The following NPAT variants were observed in gnomAD, a reference collection of about 807,000 sequenced individuals.
NPAT encodes protein NPAT.
A neutral mutation model predicts 130.7 loss-of-function variants in NPAT; 52 were observed. The observed-to-expected ratio is 0.40, with a 90% CI of 0.32 to 0.50. The LOEUF is 0.50. Among genes scored for constraint, NPAT ranks in the 20% least tolerant of loss-of-function variants. The pLI, the probability that NPAT is intolerant of heterozygous loss-of-function variation, is 0.68. For missense variants in NPAT, 1,687 were observed against 1,662.6 expected (o/e 1.01, Z -0.26); for synonymous variants, 580 against 584.8 (o/e 0.99, Z 0.12).
At chr11:108,184,080 T>C (rs531390304) in intron 10 of NPAT, among the ~76,000 whole-genome samples, 270 of 152,272 alleles carry the variant, frequency 1.8e-3, no homozygotes, top group Non-Finnish European at 3.0e-3. Flanking sequence ...TTACTACCAA[T>C]AGCAACAGTG....
chr11:108,176,903 T>C, intron 11 of NPAT, 91 bp downstream of exon 11: 3 of 782,678 alleles, frequency 3.8e-6, no homozygotes, highest in Non-Finnish European at 4.5e-6. Flanking sequence ...CTTTTTTAGA[T>C]ACTCTGGGGA....
chr11:108,170,959 G>A (rs1294060952), intron 13 of NPAT, among the ~76,000 whole-genome samples: 6 of 151,976 alleles, frequency 3.9e-5, no homozygotes, highest in African/African-American at 1.5e-4. Flanking sequence ...AGGGAAAAGA[G>A]GGAAGCTTGG....
In NPAT at chr11:108,161,917, T is replaced by C. The variant is rs773865494; in HGVS notation, c.3169A>G (p.Lys1057Glu). ...CAGAGTACACGTCTGTGGCATGGTT[T>C]AGCAGCTGGAACTATACTCTCTTCT... ...FPEESIVPAA[K>E]PCHRRVLCFD... Residue 1057 changes from lysine to glutamate, a missense_variant, in exon 17 of 18, where the codon AAA (lysine) becomes GAA (glutamate). Physicochemically the swap from Lys to Glu is moderately conservative, Grantham distance 56 (BLOSUM62 1). Transcript: ENST00000278612. The C allele has an allele frequency of 6.2e-7, 1 of 1,611,436 alleles. No individual in the cohort carries two copies. The highest frequency in any genetic ancestry group is 8.5e-7 in the Non-Finnish European group (1 of 1,178,544).
chr11:108,188,807 T>C (rs1332034895), intron 6 of NPAT, among the ~76,000 whole-genome samples: 1 of 152,186 alleles, frequency 6.6e-6, no homozygotes, highest in East Asian at 1.9e-4. Flanking sequence ...GTAGAAAATA[T>C]AATGTACATT....
Position 108,172,776 on chromosome 11 carries a change from A to G in NPAT, c.2208T>C (p.Asn736=). The G allele has an allele frequency of 6.2e-7, 1 of 1,613,684 alleles. No homozygotes were observed. The highest frequency in any genetic ancestry group is 1.3e-5 in the African/African-American group (1 of 75,048). The change falls in exon 13 of 18, where the codon AAT becomes AAC. Residue 736 remains asparagine (N), a synonymous_variant. Coordinates refer to ENST00000278612, the MANE Select transcript of NPAT (RefSeq NM_002519.3). Reference sequence around the variant, plus strand: ...TAATGATAACTTTGAGAGAGACGATATTTGATGCATCTATCTCTGCTGAGT... The same window carrying G: ...TAATGATAACTTTGAGAGAGACGATGTTTGATGCATCTATCTCTGCTGAGT... The part of the protein sequence containing the change: ...SNNSAEIDAS[N]IVSLKVIISD...
intron 1 of NPAT, among the ~76,000 whole-genome samples, chr11:108,221,960 C>CT (rs1469723899): frequency 6.6e-6 from 1 of 152,152 alleles, no homozygotes; most frequent in Admixed American, 6.5e-5. Flanking sequence ...ACTGGCATTT[C>CT]ACACCTCTAC....
chr11:108,169,656 G>A, intron 15 of NPAT, 88 bp downstream of exon 15: 1 of 945,628 alleles, frequency 1.1e-6, no homozygotes, highest in East Asian at 2.4e-5. Context: ...AAATGGTTTA[G>A]GTATTCAGAA....
chr11:108,220,802 G>T (rs1464776405), intron 1 of NPAT, among the ~76,000 whole-genome samples: 1 of 152,176 alleles, frequency 6.6e-6, no homozygotes, highest in Non-Finnish European at 1.5e-5. Context: ...AGACTAAAAG[G>T]TATAGTGTGA....
chr11:108,159,193 A>C (rs1351306914), intron 17 of NPAT, among the ~76,000 whole-genome samples, 174 bp from the exon 18 acceptor site: 5 of 152,172 alleles, frequency 3.3e-5, no homozygotes, highest in Admixed American at 1.3e-4. Context: ...TATAAACCCA[A>C]AGTTACTTAA....
At chr11:108,189,435 A>T in intron 5 of NPAT, 105 bp from the exon 6 acceptor site, 1 of 926,852 alleles carries the variant, frequency 1.1e-6, no homozygotes. Context: ...TGTTACATCC[A>T]CAGATTGAAG....
chr11:108,177,371 G>C (rs942627956), intron 10 of NPAT, among the ~76,000 whole-genome samples: 1 of 151,770 alleles, frequency 6.6e-6, no homozygotes, highest in African/African-American at 2.4e-5. Flanking sequence ...CCTTGCCCAG[G>C]GTAGTCCAGA....
At position 108,158,300 on chromosome 11, in the gene NPAT, C is replaced by A. The variant is rs1031241215; in HGVS notation, c.*642G>T. On this transcript the variant is annotated 3_prime_UTR_variant, in exon 18 of 18. Coordinates refer to ENST00000278612, the MANE Select transcript of NPAT (RefSeq NM_002519.3). ...GGTTTACAAAATTCTCTCTTTAAAA[C>A]AAAGAGAACAGAGTGATCAGAGTAG... is the stretch of plus-strand genomic sequence containing the variant. 6.6e-6 allele frequency: 1 copy of A among 152,158 alleles called. No individual in the cohort carries two copies. The highest frequency in any genetic ancestry group is 2.4e-5 in the African/African-American group (1 of 41,368). 9.4% of individuals were successfully genotyped at this position (152,158 alleles called of 1,614,324 possible).
Position 108,210,003 on chromosome 11 carries a change from G to T in NPAT, c.37+12497C>A, listed in dbSNP as rs1467227743. 2.1e-5 allele frequency among the ~76,000 whole-genome samples: 3 copies of T among 145,800 alleles called. No individual in the cohort carries two copies. The East Asian group carries it at 6.1e-4, about 29-fold the overall frequency. The stretch of plus-strand genomic sequence containing the variant: ...AGTATACATAAATGAAACAAAAATA[G>T]AGAAAAATGAATAAAAACAAAAGCT... On this transcript the variant is annotated intron_variant, in intron 1 of 17. Coordinates refer to ENST00000278612, the MANE Select transcript of NPAT (RefSeq NM_002519.3).
intron 2 of NPAT, among the ~76,000 whole-genome samples, chr11:108,195,504 A>C (rs777735370): frequency 1.3e-5 from 2 of 152,182 alleles, no homozygotes; most frequent in Non-Finnish European, 2.9e-5. Context: ...TTCTTTGGTA[A>C]AGTATCTTCA....
rs758593922 is a variant in NPAT, at chr11:108,161,973, T to C, written c.3113A>G (p.Lys1038Arg). The C allele has an allele frequency of 1.2e-6, 2 of 1,603,878 alleles. No individual in the cohort carries two copies. Among genetic ancestry groups the C allele is most frequent in the Non-Finnish European group, 1.7e-6 (2 of 1,175,882 alleles). Residue 1038 changes from lysine to arginine, a missense_variant, in exon 17 of 18, where the codon AAA becomes AGA. Physicochemically the swap from Lys to Arg is conservative, Grantham distance 26 (BLOSUM62 2). Coordinates refer to ENST00000278612, the MANE Select transcript of NPAT (RefSeq NM_002519.3). ...GGGAACTGTGGTTTCTTCTGATTTT[T>C]TCCCAAGATCTGTGGCAATACTTTT... Reference protein sequence around the residue: ...SDKSIATDLGKKSEETTVPFP... With the variant: ...SDKSIATDLGRKSEETTVPFP...
intron 8 of NPAT, among the ~76,000 whole-genome samples, chr11:108,185,761 C>T (rs1375497482): frequency 6.6e-6 from 1 of 152,186 alleles, no homozygotes; most frequent in African/African-American, 2.4e-5. Flanking sequence ...TTTACAGTGT[C>T]GCTCTATAGC....
Position 108,161,628 on chromosome 11 carries a change from G to T in NPAT, c.3458C>A (p.Thr1153Lys). 1 of 1,614,092 alleles carries T rather than the reference G, an allele frequency of 6.2e-7. No individual in the cohort carries two copies. Among genetic ancestry groups the T allele is most frequent in the Non-Finnish European group, 8.5e-7 (1 of 1,180,032 alleles). The change falls in exon 17 of 18, where the codon ACA (threonine) becomes AAA (lysine). Residue 1153 changes from threonine (T) to lysine (K), a missense_variant. Thr to Lys is a moderately conservative substitution (Grantham distance 78, BLOSUM62 -1). Coordinates refer to ENST00000278612, the MANE Select transcript of NPAT (RefSeq NM_002519.3). ...ATGGAAAGATTCAAGCACAATTTCT[G>T]TTGGTGAAACTTTCTTTTCTGATTG... is the stretch of plus-strand genomic sequence containing the variant. ...ETQSEKKVSP[T>K]EIVLESFHKA...
chr11:108,206,164 T>A (rs1203670731), intron 1 of NPAT, among the ~76,000 whole-genome samples: 1 of 152,274 alleles, frequency 6.6e-6, no homozygotes, highest in African/African-American at 2.4e-5. Context: ...ATATAATGTA[T>A]GAAGGTGTAA....
At position 108,203,620 on chromosome 11, in the gene NPAT, G is replaced by A. The variant is rs140240351; in HGVS notation, c.38-6200C>T. 2.6e-5 allele frequency among the ~76,000 whole-genome samples: 4 copies of A among 152,242 alleles called. No individual in the cohort carries two copies. In the East Asian group the frequency reaches 5.8e-4, roughly 22 times the overall value. On this transcript the variant is annotated intron_variant, in intron 1 of 17. Coordinates refer to ENST00000278612, the MANE Select transcript of NPAT (RefSeq NM_002519.3). ...ACCTACCATGAACATCCTCTTTATA[G>A]TCTCTCCTAGGCTTGCTCTTCTCAC...
Sources: allele counts gnomAD v4.1 joint callset (sites outside exome capture counted in the v4.1 genomes callset), GRCh38; gene constraint gnomAD v4.1.1; transcripts MANE v1.5; gene names NCBI Gene and HGNC (gene_info 2026-07-23, HGNC 2026-07-21).